CNTN5: variants seen among roughly 807,000 people sequenced by gnomAD.
The protein encoded by CNTN5 is contactin-5.
In CNTN5, 77 loss-of-function variants were observed where a neutral mutation model predicts 129.1. That is an observed-to-expected ratio of 0.60 (90% CI 0.50 to 0.72). The LOEUF is 0.72. CNTN5 is among the 30% of genes least tolerant of loss of function. The probability of loss-of-function intolerance (pLI) is 0.00; values close to 1 mark genes in which losing one functional copy is unlikely to be tolerated. For synonymous variants in CNTN5, 509 were observed against 465.6 expected (o/e 1.09, Z -1.20); for missense variants, 1,478 against 1,328.8 (o/e 1.11, Z -1.75).
chr11:99,198,713 G>T (rs951154321), intron 1 of CNTN5, among the ~76,000 whole-genome samples: 1 of 152,052 alleles, frequency 6.6e-6, no homozygotes, highest in Non-Finnish European at 1.5e-5. Context: ...TTGGGTACTG[G>T]CACTTTTGTA....
intron 21 of CNTN5, among the ~76,000 whole-genome samples, chr11:100,336,070 C>A (rs1441392156): frequency 6.6e-6 from 1 of 152,176 alleles, no homozygotes; most frequent in African/African-American, 2.4e-5. Context: ...ACTATTTTCT[C>A]TGTTATATAA....
chr11:99,993,038 A>G (rs895837042), intron 8 of CNTN5, among the ~76,000 whole-genome samples: 1 of 152,156 alleles, frequency 6.6e-6, no homozygotes, highest in Non-Finnish European at 1.5e-5. Flanking sequence ...TGATATTTTG[A>G]TCTTTGACTG....
chr11:99,745,412 C>T lies in CNTN5; in HGVS notation c.56-74132C>T, dbSNP rs7110329. Among the ~76,000 whole-genome samples, 429 of 152,206 alleles carry T rather than the reference C, an allele frequency of 2.8e-3. 2 individuals carry two copies. The highest frequency in any genetic ancestry group is 9.9e-3 in the African/African-American group (409 of 41,522). On this transcript the variant is annotated intron_variant, in intron 3 of 24. Transcript: ENST00000524871. Reference sequence around the variant, plus strand: ...GTTCATTTATCTACAGATACTCTTACTAGGGTATATTGGTTTTATAAGTTA... The same window carrying T: ...GTTCATTTATCTACAGATACTCTTATTAGGGTATATTGGTTTTATAAGTTA...
chr11:99,187,412 T>A (rs909717247), intron 1 of CNTN5, among the ~76,000 whole-genome samples: 20 of 125,014 alleles, frequency 1.6e-4, no homozygotes, highest in African/African-American at 5.9e-4. Context: ...TACAAATTAA[T>A]ACAAATTACA....
At chr11:100,337,265 A>G (rs531772758) in intron 21 of CNTN5, 4 of 1,376,026 alleles carry the variant, frequency 2.9e-6, no homozygotes, top group East Asian at 4.6e-5. Flanking sequence ...TTTCAGAACA[A>G]AAAGAGCCTG....
chr11:100,083,617 C>T (rs1241228623), intron 13 of CNTN5, among the ~76,000 whole-genome samples: 3 of 152,098 alleles, frequency 2.0e-5, no homozygotes, highest in Admixed American at 6.6e-5. Flanking sequence ...TAACAGTGTA[C>T]TCACACTCTG....
At chr11:100,193,257 C>G (rs1438954743) in intron 14 of CNTN5, among the ~76,000 whole-genome samples, 1 of 151,720 alleles carries the variant, frequency 6.6e-6, no homozygotes, top group Non-Finnish European at 1.5e-5. Context: ...TTTTAAAATC[C>G]AAGTCACATT....
At chr11:99,530,710 T>C (rs950821463) in intron 2 of CNTN5, among the ~76,000 whole-genome samples, 5 of 152,222 alleles carry the variant, frequency 3.3e-5, no homozygotes, top group African/African-American at 1.2e-4. Flanking sequence ...GTCTTTCCCA[T>C]GCTATTCTTG....
At chr11:99,375,302 C>CAAA (rs397848951) in intron 2 of CNTN5, among the ~76,000 whole-genome samples, 2,543 of 53,382 alleles carry the variant, frequency 0.048, 158 homozygotes, top group Admixed American at 0.078. Context: ...GAGTCTGTCT[C>CAAA]AAAAAAAAAA....
At chr11:99,942,165 A>G (rs1164338059) in intron 7 of CNTN5, among the ~76,000 whole-genome samples, 1 of 152,102 alleles carries the variant, frequency 6.6e-6, no homozygotes. Flanking sequence ...ATTAATTTAA[A>G]TAAGTTTATT....
At chr11:99,578,947 G>T (rs556237918) in intron 3 of CNTN5, among the ~76,000 whole-genome samples, 2 of 152,184 alleles carry the variant, frequency 1.3e-5, no homozygotes, top group African/African-American at 2.4e-5. Context: ...TTCTTCTAGG[G>T]TTTTTATGGT....
At chr11:100,136,820 C>T (rs1028741840) in intron 13 of CNTN5, among the ~76,000 whole-genome samples, 2 of 150,164 alleles carry the variant, frequency 1.3e-5, no homozygotes, top group Admixed American at 6.6e-5. Context: ...ACAGAAGAAA[C>T]AAACACTTGG....
Position 100,260,083 on chromosome 11 carries a change from A to G in CNTN5, c.2164+4165A>G, listed in dbSNP as rs536349456. The stretch of plus-strand genomic sequence containing the variant: ...AAAGAAGAAAAGAGAGAAGAATCAA[A>G]TAGACACAATAAAAAATGATAAAGG... On this transcript the variant is annotated intron_variant, in intron 17 of 24. Transcript: ENST00000524871. 1.8e-3 allele frequency among the ~76,000 whole-genome samples: 281 copies of G among 152,292 alleles called. 1 individual carries two copies. Among genetic ancestry groups the G allele is most frequent in the Non-Finnish European group, 3.3e-3 (224 of 68,016 alleles).
At chr11:99,868,843 A>G (rs1368270659) in intron 6 of CNTN5, among the ~76,000 whole-genome samples, 1 of 152,264 alleles carries the variant, frequency 6.6e-6, no homozygotes, top group East Asian at 1.9e-4. Context: ...ATAAGAGGGG[A>G]CACGTATAGG....
intron 6 of CNTN5, among the ~76,000 whole-genome samples, chr11:99,904,518 C>G (rs1031479237): frequency 1.5e-4 from 23 of 152,168 alleles, no homozygotes; most frequent in African/African-American, 5.6e-4. Flanking sequence ...ATATGTGCCA[C>G]ATTTTCTGTA....
At chr11:100,221,384 A>C (rs979114689) in intron 15 of CNTN5, among the ~76,000 whole-genome samples, 1 of 152,258 alleles carries the variant, frequency 6.6e-6, no homozygotes, top group Non-Finnish European at 1.5e-5. Context: ...CACTTTGAAC[A>C]GCAATGCTAA....
intron 2 of CNTN5, among the ~76,000 whole-genome samples, chr11:99,353,012 C>T (rs1042552745): frequency 6.6e-6 from 1 of 152,162 alleles, no homozygotes; most frequent in Non-Finnish European, 1.5e-5. Context: ...AATCTCTTGT[C>T]GTTCCTTTCT....
At chr11:99,139,335 A>G (rs923275686) in intron 1 of CNTN5, among the ~76,000 whole-genome samples, 2 of 152,228 alleles carry the variant, frequency 1.3e-5, no homozygotes, top group African/African-American at 4.8e-5. Context: ...GCTTTGGCAG[A>G]GAAACTTGCA....
chr11:100,150,589 C>G (rs941418354), intron 13 of CNTN5, among the ~76,000 whole-genome samples: 1 of 151,558 alleles, frequency 6.6e-6, no homozygotes, highest in African/African-American at 2.4e-5. Context: ...TTTTCCCTCT[C>G]AAAACTTTTC....
Sources: allele counts gnomAD v4.1 joint callset (sites outside exome capture counted in the v4.1 genomes callset), GRCh38; gene constraint gnomAD v4.1.1; transcripts MANE v1.5; gene names NCBI Gene and HGNC (gene_info 2026-07-23, HGNC 2026-07-21).